The following WWOX variants were observed in gnomAD, a reference collection of about 807,000 sequenced individuals.
WWOX encodes the protein WW domain-containing oxidoreductase.
In WWOX, 69 loss-of-function variants were observed where a neutral mutation model predicts 46.2. That is an observed-to-expected ratio of 1.49 (90% CI 1.23 to 1.82). WWOX has a LOEUF of 1.82. Among genes scored for constraint, WWOX ranks in the 40% most tolerant of loss-of-function variants. WWOX has a pLI of 0.00. For synonymous variants in WWOX, 359 were observed against 202.6 expected, an observed-to-expected ratio of 1.77 and a Z score of -6.56; for missense variants, 919 against 542.6, an observed-to-expected ratio of 1.69 and a Z score of -6.89.
At chr16:79,019,815 T>C (rs1429549420) in intron 8 of WWOX, among the ~76,000 whole-genome samples, 1 of 152,134 alleles carries the variant, frequency 6.6e-6, no homozygotes, top group East Asian at 1.9e-4. Flanking sequence ...ACCCAGCTAA[T>C]CTTTTCTAGC....
chr16:78,503,682 C>T (rs1273558905), intron 8 of WWOX: 2 of 152,128 alleles, frequency 1.3e-5, no homozygotes, highest in Non-Finnish European at 2.9e-5. Flanking sequence ...TGCATGATTT[C>T]ACCACCAGGG....
intron 8 of WWOX, among the ~76,000 whole-genome samples, chr16:78,730,931 T>G (rs1436249955): frequency 6.6e-6 from 1 of 152,120 alleles, no homozygotes; most frequent in East Asian, 1.9e-4. Context: ...ATCACTTTGT[T>G]TGTTCCCCTA....
chr16:78,970,780 C>A (rs533763753), intron 8 of WWOX, among the ~76,000 whole-genome samples: 1 of 152,102 alleles, frequency 6.6e-6, no homozygotes, highest in Admixed American at 6.5e-5. Flanking sequence ...TCTTGGGGGG[C>A]AACTAAACCC....
intron 8 of WWOX, among the ~76,000 whole-genome samples, chr16:78,625,999 T>C (rs1233526594): frequency 2.6e-5 from 4 of 151,878 alleles, no homozygotes; most frequent in African/African-American, 9.7e-5. Context: ...AATATTGTTA[T>C]TACTTTTTAC....
intron 4 of WWOX, among the ~76,000 whole-genome samples, chr16:78,132,720 C>G (rs566484584): frequency 1.3e-5 from 2 of 152,252 alleles, no homozygotes; most frequent in Admixed American, 1.3e-4. Context: ...TAGTTGGCTT[C>G]TTTGCTTTGC....
At chr16:78,101,551 C>T (rs955563577) in intron 1 of WWOX, among the ~76,000 whole-genome samples, 3 of 151,878 alleles carry the variant, frequency 2.0e-5, no homozygotes, top group African/African-American at 4.8e-5. Flanking sequence ...CAACTCCTGG[C>T]CTCAAGTGAT....
At position 78,539,211 on chromosome 16, in the gene WWOX, G is replaced by A. The variant is rs190371768; in HGVS notation, c.1056+106459G>A. 1.1e-4 allele frequency among the ~76,000 whole-genome samples: 17 copies of A among 152,324 alleles called. 1 individual carries two copies. In the East Asian group the frequency reaches 2.7e-3, roughly 24 times the overall value. On this transcript the variant is annotated intron_variant, in intron 8 of 8. Coordinates refer to ENST00000566780, the MANE Select transcript of WWOX (RefSeq NM_016373.4). ...CATAGTAATTGCTCAATAAATATGT[G>A]TTCAACTGAACTATGGTGGTTAGGT...
At chr16:78,674,217 T>C (rs1397291814) in intron 8 of WWOX, among the ~76,000 whole-genome samples, 1 of 151,642 alleles carries the variant, frequency 6.6e-6, no homozygotes, top group East Asian at 1.9e-4. Context: ...GGGAGGAACA[T>C]AGGGTGCATA....
chr16:79,130,621 C>G (rs898047955), intron 8 of WWOX, among the ~76,000 whole-genome samples: 2 of 152,210 alleles, frequency 1.3e-5, no homozygotes, highest in African/African-American at 2.4e-5. Context: ...GGAGTTGAAA[C>G]TCCTATGCTG....
intron 5 of WWOX, among the ~76,000 whole-genome samples, chr16:78,230,896 G>C (rs372722901): frequency 1.3e-5 from 2 of 152,248 alleles, no homozygotes; most frequent in African/African-American, 4.8e-5. Context: ...CTTTAGTGCA[G>C]AAAACGGAGA....
intron 5 of WWOX, among the ~76,000 whole-genome samples, chr16:78,354,856 A>AG (rs1373126569): frequency 6.6e-6 from 1 of 152,166 alleles, no homozygotes; most frequent in East Asian, 1.9e-4. Context: ...GATGACAGCC[A>AG]GGGGTGGTGG....
chr16:79,138,923 C>T (rs2050034591), intron 8 of WWOX, among the ~76,000 whole-genome samples: 1 of 152,150 alleles, frequency 6.6e-6, no homozygotes, highest in African/African-American at 2.4e-5. Flanking sequence ...GAGAATTCGA[C>T]CAGGGTAAGG....
intron 8 of WWOX, among the ~76,000 whole-genome samples, chr16:78,449,875 A>T (rs1184512508): frequency 6.6e-6 from 1 of 151,832 alleles, no homozygotes; most frequent in Non-Finnish European, 1.5e-5. Flanking sequence ...TTGAGTTACA[A>T]AAACTAGCCA....
rs144951448 is a variant in WWOX, at chr16:78,745,344, T to G, written c.1056+312592T>G. ...TTCAAAAGCCTGAATTTCCAAGGCTTTCTGCCATGAGTACTTAGCTTTGAA... is the reference window on the plus strand; with the variant it reads ...TTCAAAAGCCTGAATTTCCAAGGCTGTCTGCCATGAGTACTTAGCTTTGAA... On this transcript the variant is annotated intron_variant, in intron 8 of 8. Coordinates refer to ENST00000566780, the MANE Select transcript of WWOX (RefSeq NM_016373.4). Among the ~76,000 whole-genome samples, 280 of 152,302 alleles carry G rather than the reference T, an allele frequency of 1.8e-3. 1 individual carries two copies. Among genetic ancestry groups the G allele is most frequent in the African/African-American group, 6.2e-3 (257 of 41,568 alleles).
At chr16:78,799,211 G>A (rs1054030088) in intron 8 of WWOX, among the ~76,000 whole-genome samples, 13 of 152,138 alleles carry the variant, frequency 8.5e-5, no homozygotes, top group Admixed American at 6.5e-4. Context: ...ACAGGGACAC[G>A]GTGCAGAAAA....
At chr16:78,578,279 TATA>T (rs2044949830) in intron 8 of WWOX, among the ~76,000 whole-genome samples, 6 of 51,896 alleles carry the variant, frequency 1.2e-4, no homozygotes, top group African/African-American at 3.0e-4. Flanking sequence ...TATATATATA[TATA>T]TATTTTTTTT....
At chr16:78,261,770 ATGTATC>A (rs1356711488) in intron 5 of WWOX, among the ~76,000 whole-genome samples, 1 of 132,594 alleles carries the variant, frequency 7.5e-6, no homozygotes, top group Non-Finnish European at 1.6e-5. Flanking sequence ...CTATCTATCT[ATGTATC>A]TATCTATCTA....
chr16:78,110,506 T>C (rs575047934), intron 3 of WWOX, among the ~76,000 whole-genome samples: 1 of 152,302 alleles, frequency 6.6e-6, no homozygotes, highest in South Asian at 2.1e-4. Flanking sequence ...ATACTATAAT[T>C]TATCAAATTG....
chr16:78,201,724 C>G (rs1007118268), intron 5 of WWOX, among the ~76,000 whole-genome samples: 3 of 151,312 alleles, frequency 2.0e-5, no homozygotes, highest in Non-Finnish European at 4.4e-5. Context: ...TTGTTTGAGA[C>G]AGTCTCACTT....
Sources: allele counts gnomAD v4.1 joint callset (sites outside exome capture counted in the v4.1 genomes callset), GRCh38; gene constraint gnomAD v4.1.1; transcripts MANE v1.5; gene names NCBI Gene and HGNC (gene_info 2026-07-23, HGNC 2026-07-21).